USH2A: variants seen among roughly 807,000 people sequenced by gnomAD.
USH2A encodes the protein usherin.
USH2A carries 443 observed loss-of-function variants against 538.9 expected under a neutral mutation model. The observed-to-expected ratio is 0.82, with a 90% CI of 0.76 to 0.89. The LOEUF is 0.89. Ranked by LOEUF, USH2A falls within the 40% of genes least tolerant of loss-of-function variation. The pLI is 0.00. For synonymous variants in USH2A, 2,413 were observed against 2,273.5 expected (o/e 1.06, Z -1.75); for missense variants, 6,633 against 6,324.8 (o/e 1.05, Z -1.65).
intron 3 of USH2A, among the ~76,000 whole-genome samples, chr1:216,370,697 A>AAAAAAAAAC: frequency 6.6e-6 from 1 of 150,770 alleles, no homozygotes; most frequent in Admixed American, 6.6e-5. Context: ...AAAAAAAAAA[A>AAAAAAAAAC]AAAAATACTC....
intron 15 of USH2A, among the ~76,000 whole-genome samples, chr1:216,209,288 C>A (rs962147159): frequency 6.6e-6 from 1 of 152,122 alleles, no homozygotes; most frequent in African/African-American, 2.4e-5. Context: ...ACACAGGGAG[C>A]GGGGAATTAA....
intron 61 of USH2A, among the ~76,000 whole-genome samples, chr1:215,722,057 C>G (rs1396452349): frequency 7.9e-6 from 1 of 127,384 alleles, no homozygotes; most frequent in East Asian, 2.2e-4. Context: ...AGAGCAAGAC[C>G]CTGTCTCTTT....
At chr1:216,012,476 G>T (rs1668599070) in intron 32 of USH2A, among the ~76,000 whole-genome samples, 1 of 152,040 alleles carries the variant, frequency 6.6e-6, no homozygotes, top group South Asian at 2.1e-4. Context: ...CTTTCCTACA[G>T]GGTCTGAGAA....
At chr1:216,277,444 G>A (rs1471304534) in intron 11 of USH2A, among the ~76,000 whole-genome samples, 2 of 152,050 alleles carry the variant, frequency 1.3e-5, no homozygotes, top group African/African-American at 4.8e-5. Flanking sequence ...CTCCAAGCAG[G>A]TAGTCCCACC....
At chr1:216,351,971 G>A (rs2038296159) in intron 4 of USH2A, among the ~76,000 whole-genome samples, 1 of 152,034 alleles carries the variant, frequency 6.6e-6, no homozygotes, top group Non-Finnish European at 1.5e-5. Context: ...GTAGTATATG[G>A]ATCAAAGTGA....
chr1:216,230,452 G>A (rs1288809189), intron 14 of USH2A, among the ~76,000 whole-genome samples: 1 of 152,110 alleles, frequency 6.6e-6, no homozygotes, highest in Admixed American at 6.6e-5. Flanking sequence ...TAGAAGTAGA[G>A]CGTCACAGAT....
chr1:215,871,885 A>G (rs373358484), intron 43 of USH2A, among the ~76,000 whole-genome samples: 1 of 152,208 alleles, frequency 6.6e-6, no homozygotes, highest in Non-Finnish European at 1.5e-5. Flanking sequence ...CCAGGGCAAA[A>G]TATGTGAAGG....
chr1:215,917,779 A>C (rs1206814631), intron 38 of USH2A, among the ~76,000 whole-genome samples: 2 of 26,750 alleles, frequency 7.5e-5, no homozygotes, highest in African/African-American at 1.4e-4. Context: ...CCCTATCACT[A>C]CAAAAAAAAA....
chr1:216,183,752 C>T (rs547224096), intron 20 of USH2A, among the ~76,000 whole-genome samples: 1 of 152,102 alleles, frequency 6.6e-6, no homozygotes, highest in East Asian at 1.9e-4. Context: ...AAATTCTTCT[C>T]CTTGTAATTA....
chr1:215,799,093 G>A lies in USH2A; in HGVS notation c.9772C>T (p.Arg3258Trp), dbSNP rs750218932. 25 of 1,613,860 alleles carry A rather than the reference G, an allele frequency of 1.5e-5. No individual in the cohort carries two copies. The African/African-American group carries it at 2.1e-4, about 14-fold the overall frequency. ...GAATCACCAATGCCAACAGAAACCCGATTGTGCTGTTCATCTGGACAGCAT... is the reference window on the plus strand; with the variant it reads ...GAATCACCAATGCCAACAGAAACCCAATTGTGCTGTTCATCTGGACAGCAT... ...EVCCPDEQHNRVSVGIGDSCC... is the reference protein window; with the variant it reads ...EVCCPDEQHNWVSVGIGDSCC... Residue 3258 changes from arginine to tryptophan, a missense_variant, in exon 50 of 72, where the codon CGG becomes TGG. Coordinates refer to ENST00000307340, the MANE Select transcript of USH2A (RefSeq NM_206933.4).
chr1:216,043,477 T>C (rs1269241692), intron 32 of USH2A, among the ~76,000 whole-genome samples: 2 of 152,074 alleles, frequency 1.3e-5, no homozygotes, highest in African/African-American at 4.8e-5. Flanking sequence ...TTTAAAATAT[T>C]ACATAAAGAT....
chr1:216,344,345 T>C (rs545673531), intron 4 of USH2A, among the ~76,000 whole-genome samples: 3 of 152,246 alleles, frequency 2.0e-5, no homozygotes, highest in South Asian at 4.1e-4. Flanking sequence ...CATCATACAC[T>C]GAACTATTAA....
chr1:215,739,164 CAG>C (rs1205906467), intron 60 of USH2A, among the ~76,000 whole-genome samples: 2 of 152,158 alleles, frequency 1.3e-5, no homozygotes, highest in African/African-American at 4.8e-5. Context: ...CTGCTGTACT[CAG>C]AGGTATCAAA....
intron 11 of USH2A, among the ~76,000 whole-genome samples, chr1:216,255,963 G>A (rs530843234): frequency 6.6e-6 from 1 of 151,932 alleles, no homozygotes; most frequent in Non-Finnish European, 1.5e-5. Context: ...GACTCCTTTT[G>A]CAAAATGAAA....
chr1:215,792,192 C>T (rs1274546189), intron 50 of USH2A, among the ~76,000 whole-genome samples: 1 of 152,108 alleles, frequency 6.6e-6, no homozygotes, highest in African/African-American at 2.4e-5. Context: ...TAATTTGAAA[C>T]TCCTAATCAG....
At chr1:216,371,513 C>CT (rs948314944) in intron 3 of USH2A, among the ~76,000 whole-genome samples, 2 of 152,046 alleles carry the variant, frequency 1.3e-5, no homozygotes, top group Non-Finnish European at 2.9e-5. Flanking sequence ...AAAATACTGT[C>CT]TTTTTTTTCC....
chr1:215,934,546 G>T, intron 38 of USH2A, 70 bp downstream of exon 38: 1 of 1,468,200 alleles, frequency 6.8e-7, no homozygotes, highest in South Asian at 1.2e-5. Flanking sequence ...AAATAAACAA[G>T]GTATTCAATG....
chr1:216,207,534 G>C, intron 15 of USH2A, 103 bp from the exon 16 acceptor site: 1 of 1,404,766 alleles, frequency 7.1e-7, no homozygotes, highest in Non-Finnish European at 1.0e-6. Flanking sequence ...ATTCAGGATT[G>C]CTTTATCAAG....
chr1:216,190,028 A>G (rs1428783027), intron 20 of USH2A, among the ~76,000 whole-genome samples, 195 bp downstream of exon 20: 1 of 151,988 alleles, frequency 6.6e-6, no homozygotes, highest in Non-Finnish European at 1.5e-5. Flanking sequence ...ACACAGCTGT[A>G]ACTCGTAGCT....
Sources: gnomAD v4.1 joint callset for allele counts (sites outside exome capture counted in the v4.1 genomes callset) on GRCh38, gnomAD v4.1.1 for gene constraint, MANE v1.5 for transcripts, NCBI Gene and HGNC (gene_info 2026-07-23, HGNC 2026-07-21) for gene names.